Variants in NAV2 observed in about 807,000 individuals in gnomAD.
NAV2 encodes the protein helicase, APC down-regulated 1.
In NAV2, 54 loss-of-function variants were observed where a neutral mutation model predicts 223.2. The observed-to-expected ratio is 0.24, with a 90% CI of 0.19 to 0.30. The LOEUF is 0.30. Among genes scored for constraint, NAV2 ranks in the 10% least tolerant of loss-of-function variants. The probability of loss-of-function intolerance (pLI) is 1.00; values close to 1 mark genes in which losing one functional copy is unlikely to be tolerated. For synonymous variants in NAV2, 1,279 were observed against 1,239.3 expected (o/e 1.03, Z -0.67); for missense variants, 2,806 against 3,147.5 (o/e 0.89, Z 2.60).
chr11:19,743,675 C>T (rs1490962496), intron 1 of NAV2, among the ~76,000 whole-genome samples: 1 of 152,278 alleles, frequency 6.6e-6, no homozygotes, highest in Non-Finnish European at 1.5e-5. Context: ...AGAGCTACCT[C>T]TCCAGCCCCA....
intron 1 of NAV2, among the ~76,000 whole-genome samples, chr11:19,697,071 A>G (rs1193397360): frequency 2.6e-5 from 4 of 152,280 alleles, no homozygotes; most frequent in African/African-American, 9.6e-5. Flanking sequence ...TACTTACCTC[A>G]GAACTATCCT....
At chr11:19,895,111 T>C (rs1213275891) in intron 6 of NAV2, among the ~76,000 whole-genome samples, 1 of 137,872 alleles carries the variant, frequency 7.3e-6, no homozygotes, top group South Asian at 2.5e-4. Flanking sequence ...TTTCTTTTTT[T>C]TTTTTTTTTT....
chr11:19,690,242 G>A (rs1364412020), intron 1 of NAV2, among the ~76,000 whole-genome samples: 2 of 152,190 alleles, frequency 1.3e-5, no homozygotes, highest in Non-Finnish European at 2.9e-5. Flanking sequence ...AATTACAGGT[G>A]TGAGTCACTG....
chr11:20,037,777 C>T (rs966919623), intron 12 of NAV2, among the ~76,000 whole-genome samples: 4 of 152,316 alleles, frequency 2.6e-5, no homozygotes, highest in East Asian at 1.9e-4. Flanking sequence ...AGTGATTAGA[C>T]GCAAGTCAGA....
intron 29 of NAV2, 44 bp from the exon 30 acceptor site, chr11:20,095,628 A>G: frequency 2.8e-6 from 4 of 1,414,836 alleles, no homozygotes; most frequent in Non-Finnish European, 4.0e-6. Context: ...TGAGTCAGAA[A>G]AGATCCACCT....
At chr11:19,661,277 T>G (rs184491032) in intron 1 of NAV2, among the ~76,000 whole-genome samples, 1 of 151,004 alleles carries the variant, frequency 6.6e-6, no homozygotes, top group Admixed American at 6.6e-5. Flanking sequence ...GTGTCCGAAT[T>G]TTTTTTCCTT....
chr11:19,446,898 C>T (rs1005891647), intron 1 of NAV2, among the ~76,000 whole-genome samples: 3 of 152,154 alleles, frequency 2.0e-5, no homozygotes, highest in Admixed American at 1.3e-4. Context: ...GGGAGCCAAG[C>T]GTCAGCCTGG....
chr11:20,082,938 T>C, intron 25 of NAV2, 69 bp from the exon 26 acceptor site: 1 of 1,414,956 alleles, frequency 7.1e-7, no homozygotes, highest in Admixed American at 2.2e-5. Flanking sequence ...TTTGTGTGCA[T>C]GTCTCTGTTT....
In NAV2 at chr11:19,664,531, C is replaced by G. The variant is rs184464688; in HGVS notation, c.76-167953C>G. 1.6e-4 allele frequency among the ~76,000 whole-genome samples: 24 copies of G among 152,266 alleles called. No individual in the cohort carries two copies. In the East Asian group the frequency reaches 3.7e-3, roughly 23 times the overall value. On this transcript the variant is annotated intron_variant, in intron 1 of 37. Coordinates refer to the NAV2 transcript ENST00000360655. ...AGCCATTTATGGGAGAAGCACCAAG[C>G]CAATATGGTGGTAACAGGATTGACT...
At chr11:20,071,825 G>GT (rs1290359779) in intron 22 of NAV2, among the ~76,000 whole-genome samples, 3 of 152,038 alleles carry the variant, frequency 2.0e-5, no homozygotes, top group African/African-American at 7.2e-5. Context: ...TTATAAATTT[G>GT]TTTAAGTTCT....
chr11:19,453,338 G>A (rs1208728362), intron 1 of NAV2, among the ~76,000 whole-genome samples: 1 of 152,170 alleles, frequency 6.6e-6, no homozygotes, highest in Non-Finnish European at 1.5e-5. Context: ...GAAGGAGAAA[G>A]CCTTTCAGGA....
At chr11:19,618,971 A>G (rs1412340054) in intron 1 of NAV2, among the ~76,000 whole-genome samples, 2 of 134,926 alleles carry the variant, frequency 1.5e-5, no homozygotes, top group African/African-American at 2.9e-5. Flanking sequence ...AAGTGTTCTC[A>G]TTGTTCAATT....
intron 1 of NAV2, among the ~76,000 whole-genome samples, chr11:19,516,636 C>G (rs2043458985): frequency 6.6e-6 from 1 of 152,162 alleles, no homozygotes; most frequent in South Asian, 2.1e-4. Context: ...ATAGAATGCA[C>G]TTGCAATTTT....
chr11:19,826,637 T>C (rs1045906855), intron 1 of NAV2, among the ~76,000 whole-genome samples: 2 of 152,190 alleles, frequency 1.3e-5, no homozygotes, highest in Admixed American at 1.3e-4. Context: ...TTGATTCACT[T>C]CAAAAAGTTG....
chr11:19,818,945 A>G (rs2059243007), intron 1 of NAV2, among the ~76,000 whole-genome samples: 1 of 152,066 alleles, frequency 6.6e-6, no homozygotes, highest in Non-Finnish European at 1.5e-5. Context: ...TTAATCATTC[A>G]TCTCTTTTTT....
intron 1 of NAV2, among the ~76,000 whole-genome samples, chr11:19,430,587 A>G (rs934119473): frequency 1.3e-5 from 2 of 152,184 alleles, no homozygotes; most frequent in African/African-American, 4.8e-5. Context: ...TATTTTACAC[A>G]CACTTTCAAA....
intron 25 of NAV2, among the ~76,000 whole-genome samples, chr11:20,080,946 T>G (rs1360865880): frequency 6.6e-6 from 1 of 152,234 alleles, no homozygotes; most frequent in African/African-American, 2.4e-5. Context: ...GAGCTCTGAC[T>G]GAGATTTGCT....
At chr11:19,395,586 C>T (rs1368940948) in intron 1 of NAV2, among the ~76,000 whole-genome samples, 1 of 152,206 alleles carries the variant, frequency 6.6e-6, no homozygotes, top group Non-Finnish European at 1.5e-5. Flanking sequence ...GGCTGACAGA[C>T]CTTCCCACTA....
intron 1 of NAV2, among the ~76,000 whole-genome samples, chr11:19,482,471 C>T (rs571122878): frequency 6.6e-6 from 1 of 152,296 alleles, no homozygotes; most frequent in Non-Finnish European, 1.5e-5. Flanking sequence ...AGGCAGTTTT[C>T]CACGAGTCAA....
Sources: gnomAD v4.1 joint callset for allele counts (sites outside exome capture counted in the v4.1 genomes callset) on GRCh38, gnomAD v4.1.1 for gene constraint, MANE v1.5 for transcripts, NCBI Gene and HGNC (gene_info 2026-07-23, HGNC 2026-07-21) for gene names.